Variants in PIP4K2A observed in about 807,000 individuals in gnomAD.
PIP4K2A encodes phosphatidylinositol 5-phosphate 4-kinase type-2 alpha.
PIP4K2A carries 14 observed loss-of-function variants against 42.9 expected under a neutral mutation model. The ratio of observed to expected loss-of-function variants is 0.33; its 90% CI spans 0.22 to 0.51. The LOEUF is 0.51. Among genes scored for constraint, PIP4K2A ranks in the 20% least tolerant of loss-of-function variants. The pLI, the probability that PIP4K2A is intolerant of heterozygous loss-of-function variation, is 0.97. For missense variants in PIP4K2A, 434 were observed against 519.8 expected (o/e 0.83, Z 1.61); for synonymous variants, 192 against 192.2 (o/e 1.00, Z 0.01).
At chr10:22,573,201 G>A (rs1288271682) in intron 5 of PIP4K2A, 110 bp downstream of exon 5, 1 of 947,546 alleles carries the variant, frequency 1.1e-6, no homozygotes, top group African/African-American at 1.6e-5. Flanking sequence ...TTGTCTGGTA[G>A]CTTTAAGTGC....
At chr10:22,707,310 C>T (rs1394300725) in intron 1 of PIP4K2A, among the ~76,000 whole-genome samples, 1 of 152,160 alleles carries the variant, frequency 6.6e-6, no homozygotes, top group African/African-American at 2.4e-5. Context: ...CATAGCCAAC[C>T]GAACAAGGAC....
intron 3 of PIP4K2A, among the ~76,000 whole-genome samples, chr10:22,592,552 G>C (rs1837537563): frequency 6.6e-6 from 1 of 152,162 alleles, no homozygotes; most frequent in Non-Finnish European, 1.5e-5. Flanking sequence ...ATCTCCTGGA[G>C]GGTGGACAAG....
chr10:22,591,586 G>C, intron 4 of PIP4K2A, 43 bp downstream of exon 4: 1 of 1,497,222 alleles, frequency 6.7e-7, no homozygotes, highest in African/African-American at 1.4e-5. Context: ...CGCTACGCAT[G>C]TTAATCTTCT....
intron 1 of PIP4K2A, among the ~76,000 whole-genome samples, chr10:22,647,494 G>C (rs541732010): frequency 1.7e-4 from 26 of 151,634 alleles, no homozygotes; most frequent in Non-Finnish European, 3.1e-4. Context: ...GGGATTTGAT[G>C]GCAGAGGCAT....
intron 1 of PIP4K2A, among the ~76,000 whole-genome samples, chr10:22,659,439 A>T (rs902075514): frequency 6.6e-6 from 1 of 152,196 alleles, no homozygotes; most frequent in Non-Finnish European, 1.5e-5. Context: ...CTAAAAATAC[A>T]AAAATTAGCT....
In PIP4K2A at chr10:22,649,692, G is replaced by A. The variant is rs536726081; in HGVS notation, c.145-39975C>T. Reference sequence around the variant, plus strand: ...CAAGGGAGGGGCATGCTCCCTCAGCGGCAAGACCAGGAACGGGGTGGACAG... The same window carrying A: ...CAAGGGAGGGGCATGCTCCCTCAGCAGCAAGACCAGGAACGGGGTGGACAG... On this transcript the variant is annotated intron_variant, in intron 1 of 9. Coordinates refer to ENST00000376573, the MANE Select transcript of PIP4K2A (RefSeq NM_005028.5). Among the ~76,000 whole-genome samples the A allele has an allele frequency of 9.2e-5, 14 of 152,282 alleles. No individual in the cohort carries two copies. In the South Asian group the frequency reaches 1.5e-3, roughly 16 times the overall value.
chr10:22,664,130 CAT>C (rs1386533355), intron 1 of PIP4K2A, among the ~76,000 whole-genome samples: 611 of 40,088 alleles, frequency 0.015, 23 homozygotes, highest in East Asian at 0.036. Context: ...TATATATATA[CAT>C]ATATATATAC....
chr10:22,698,618 C>A (rs1395159685), intron 1 of PIP4K2A, among the ~76,000 whole-genome samples: 1 of 152,148 alleles, frequency 6.6e-6, no homozygotes. Flanking sequence ...GTTTTTGCCA[C>A]TGAAAGTAAT....
At chr10:22,590,321 G>A (rs190398179) in intron 4 of PIP4K2A, among the ~76,000 whole-genome samples, 1 of 152,344 alleles carries the variant, frequency 6.6e-6, no homozygotes, top group African/African-American at 2.4e-5. Flanking sequence ...GATGATTCCT[G>A]GGATGTTGCA....
Position 22,682,568 on chromosome 10 carries a change from G to A in PIP4K2A, c.144+31615C>T, listed in dbSNP as rs371002766. The stretch of plus-strand genomic sequence containing the variant: ...AGTGCCATCAACTTGACACTTGAGA[G>A]TTTAGCTAACAAAGTACACAAAGAA... On this transcript the variant is annotated intron_variant, in intron 1 of 9. Coordinates refer to ENST00000376573, the MANE Select transcript of PIP4K2A (RefSeq NM_005028.5). 1.6e-4 allele frequency among the ~76,000 whole-genome samples: 24 copies of A among 152,334 alleles called. No individual in the cohort carries two copies. In the East Asian group the frequency reaches 4.6e-3, roughly 29 times the overall value.
chr10:22,677,902 G>A (rs982187255), intron 1 of PIP4K2A, among the ~76,000 whole-genome samples: 14 of 152,146 alleles, frequency 9.2e-5, no homozygotes, highest in Non-Finnish European at 1.5e-5. Flanking sequence ...GGGAGGCTGC[G>A]TGTGGTCTAA....
At chr10:22,576,412 C>T (rs180801200) in intron 4 of PIP4K2A, among the ~76,000 whole-genome samples, 1 of 152,246 alleles carries the variant, frequency 6.6e-6, no homozygotes, top group Admixed American at 6.5e-5. Context: ...CTCGTAACAC[C>T]AGCGGGTGTT....
intron 4 of PIP4K2A, 120 bp downstream of exon 4, chr10:22,591,509 G>A (rs1588647962): frequency 1.3e-6 from 1 of 783,318 alleles, no homozygotes; most frequent in African/African-American, 1.7e-5. Flanking sequence ...TAGAGGAGAT[G>A]TTTATGTGAA....
chr10:22,592,861 T>A (rs1837545976), intron 3 of PIP4K2A, among the ~76,000 whole-genome samples: 1 of 152,218 alleles, frequency 6.6e-6, no homozygotes. Flanking sequence ...TGTGTGGGAT[T>A]CAAAGGCAAA....
chr10:22,675,841 AAC>A (rs1382196816), intron 1 of PIP4K2A, among the ~76,000 whole-genome samples: 1 of 152,194 alleles, frequency 6.6e-6, no homozygotes, highest in Non-Finnish European at 1.5e-5. Context: ...ATCCTTGAAC[AAC>A]ACAGTGTTTC....
chr10:22,538,406 A>T (rs1484850968), intron 9 of PIP4K2A, among the ~76,000 whole-genome samples: 1 of 150,906 alleles, frequency 6.6e-6, no homozygotes, highest in Admixed American at 6.7e-5. Context: ...CCAATTTCAC[A>T]GGATGTATAA....
At chr10:22,559,076 C>T (rs12261762) in intron 6 of PIP4K2A, among the ~76,000 whole-genome samples, 7,645 of 152,186 alleles carry the variant, frequency 0.05, 609 homozygotes, top group African/African-American at 0.17. Context: ...TCGTTCCAGT[C>T]GTAACAGAAG....
chr10:22,624,967 G>T (rs1295550813), intron 1 of PIP4K2A, among the ~76,000 whole-genome samples: 1 of 152,146 alleles, frequency 6.6e-6, no homozygotes, highest in Non-Finnish European at 1.5e-5. Context: ...TTTGTTAATG[G>T]TTTTTGAATC....
At chr10:22,664,122 TATATATACATATATATATAC>T (rs1839281085) in intron 1 of PIP4K2A, among the ~76,000 whole-genome samples, 4 of 66,678 alleles carry the variant, frequency 6.0e-5, no homozygotes, top group African/African-American at 5.4e-4. Flanking sequence ...TATACATATA[TATATATACATATATATATAC>T]ATATATATAC....
Sources: gnomAD v4.1 joint callset for allele counts (sites outside exome capture counted in the v4.1 genomes callset) on GRCh38, gnomAD v4.1.1 for gene constraint, MANE v1.5 for transcripts, NCBI Gene and HGNC (gene_info 2026-07-23, HGNC 2026-07-21) for gene names.